Variants in CCSER1 observed in about 807,000 individuals in gnomAD.
CCSER1 encodes coiled-coil serine rich protein 1.
A neutral mutation model predicts 82.0 loss-of-function variants in CCSER1; 41 were observed. That is an observed-to-expected ratio of 0.50 (90% CI 0.39 to 0.65). CCSER1 has a LOEUF of 0.65. CCSER1 is among the 30% of genes least tolerant of loss of function. The pLI, the probability that CCSER1 is intolerant of heterozygous loss-of-function variation, is 0.00. For synonymous variants in CCSER1, 414 were observed against 383.9 expected (o/e 1.08, Z -0.92); for missense variants, 1,119 against 1,064.2 (o/e 1.05, Z -0.72).
rs1392562668 is a variant in CCSER1, at chr4:90,476,275, A to G, written c.1724+7921A>G. Among the ~76,000 whole-genome samples the G allele has an allele frequency of 3.9e-5, 6 of 152,244 alleles. No homozygotes were observed. In the South Asian group the frequency reaches 8.3e-4, roughly 21 times the overall value. ...CTGAAAGCCAACAGCTCCCACCACTAGGAGACTATGCCTTCACCACTCACT... is the reference window on the plus strand; with the variant it reads ...CTGAAAGCCAACAGCTCCCACCACTGGGAGACTATGCCTTCACCACTCACT... On this transcript the variant is annotated intron_variant, in intron 5 of 10. Coordinates refer to ENST00000509176, the MANE Select transcript of CCSER1 (RefSeq NM_001145065.2).
chr4:90,800,623 G>A (rs1465211594), intron 7 of CCSER1, among the ~76,000 whole-genome samples: 3 of 152,046 alleles, frequency 2.0e-5, no homozygotes, highest in African/African-American at 7.2e-5. Context: ...GTAAGTTATC[G>A]CTTTATCACT....
intron 8 of CCSER1, among the ~76,000 whole-genome samples, chr4:90,835,295 C>T (rs1376413379): frequency 6.6e-6 from 1 of 152,162 alleles, no homozygotes; most frequent in Non-Finnish European, 1.5e-5. Flanking sequence ...GACGCCACTG[C>T]ACTCTAGCCC....
At chr4:91,114,218 T>C (rs1726353989) in intron 10 of CCSER1, among the ~76,000 whole-genome samples, 1 of 152,150 alleles carries the variant, frequency 6.6e-6, no homozygotes, top group African/African-American at 2.4e-5. Context: ...AGACACTACC[T>C]CCAAGCAGCT....
rs549411700 is a variant in CCSER1 at position 90,888,378 on chromosome 4, TA to T, written c.2095-34991del. 1.8e-3 allele frequency among the ~76,000 whole-genome samples: 272 copies of T among 152,260 alleles called. 1 individual carries two copies. The highest frequency in any genetic ancestry group is 3.0e-3 in the Non-Finnish European group (206 of 67,990). ...ATCGAGTACCCTTCCTTGATTTAAATATACTTTGAAAGGGCAAGAGTAGAAA... is the reference window on the plus strand; with the variant it reads ...ATCGAGTACCCTTCCTTGATTTAAATTACTTTGAAAGGGCAAGAGTAGAAA... On this transcript the variant is annotated intron_variant, in intron 8 of 10. Transcript: ENST00000509176.
At chr4:90,245,418 G>T (rs1400120799) in intron 1 of CCSER1, among the ~76,000 whole-genome samples, 1 of 151,062 alleles carries the variant, frequency 6.6e-6, no homozygotes. Context: ...CTTCTCTAAG[G>T]TCATGGTAGG....
At chr4:90,184,725 A>G (rs1734308093) in intron 1 of CCSER1, among the ~76,000 whole-genome samples, 1 of 151,898 alleles carries the variant, frequency 6.6e-6, no homozygotes, top group Non-Finnish European at 1.5e-5. Flanking sequence ...TAGTTTCTGG[A>G]CTCCTGGGGT....
chr4:91,186,299 TTCC>T (rs949271352), intron 10 of CCSER1, among the ~76,000 whole-genome samples: 41 of 152,238 alleles, frequency 2.7e-4, no homozygotes, highest in African/African-American at 8.2e-4. Flanking sequence ...TATACTCTCC[TTCC>T]TCCTCCTCAT....
At chr4:90,477,170 G>A (rs1015871224) in intron 5 of CCSER1, among the ~76,000 whole-genome samples, 3 of 152,090 alleles carry the variant, frequency 2.0e-5, no homozygotes, top group Non-Finnish European at 4.4e-5. Context: ...TTTAGTATAA[G>A]TCTTCTAGTA....
chr4:90,653,210 A>T (rs543872096), intron 6 of CCSER1, among the ~76,000 whole-genome samples: 2 of 152,162 alleles, frequency 1.3e-5, no homozygotes. Flanking sequence ...TTGAGAGATT[A>T]TATCCTCTTA....
chr4:91,085,538 G>A (rs935688150), intron 9 of CCSER1, among the ~76,000 whole-genome samples: 14 of 152,010 alleles, frequency 9.2e-5, no homozygotes, highest in African/African-American at 3.4e-4. Flanking sequence ...AGTACTGCAA[G>A]GGCTTCTGCT....
chr4:90,656,919 CTTTA>C (rs988687214), intron 6 of CCSER1, among the ~76,000 whole-genome samples: 9 of 151,880 alleles, frequency 5.9e-5, no homozygotes, highest in African/African-American at 1.7e-4. Flanking sequence ...CATTAAAATA[CTTTA>C]TTTATCTCTC....
chr4:90,468,466 A>C, intron 5 of CCSER1, 112 bp downstream of exon 5: 2 of 929,978 alleles, frequency 2.2e-6, no homozygotes. Context: ...GAAGAAATAA[A>C]TTTTATGGGT....
chr4:90,760,302 GAC>G (rs1466399972), intron 7 of CCSER1, among the ~76,000 whole-genome samples: 2 of 151,784 alleles, frequency 1.3e-5, no homozygotes, highest in Non-Finnish European at 2.9e-5. Context: ...TTGAATTAAT[GAC>G]ACTATTAATA....
chr4:91,086,989 A>G (rs763962816), intron 10 of CCSER1, among the ~76,000 whole-genome samples: 1 of 152,124 alleles, frequency 6.6e-6, no homozygotes, highest in Admixed American at 6.5e-5. Context: ...GATATTTTTC[A>G]TGTTGTAGGA....
chr4:90,956,389 A>C (rs556171935), intron 9 of CCSER1, among the ~76,000 whole-genome samples: 1 of 152,288 alleles, frequency 6.6e-6, no homozygotes, highest in South Asian at 2.1e-4. Context: ...TTTCCTAAGA[A>C]TAAAATTAAA....
At chr4:91,348,286 G>T (rs1748210042) in intron 10 of CCSER1, among the ~76,000 whole-genome samples, 1 of 152,026 alleles carries the variant, frequency 6.6e-6, no homozygotes, top group Admixed American at 6.5e-5. Flanking sequence ...TATAGTAATT[G>T]ATTTTTGAAT....
chr4:91,414,004 G>A (rs964449073), intron 10 of CCSER1, among the ~76,000 whole-genome samples: 1 of 152,104 alleles, frequency 6.6e-6, no homozygotes, highest in African/African-American at 2.4e-5. Flanking sequence ...TGCCAAGAGA[G>A]TTCATCACCA....
chr4:90,346,864 T>A (rs1335147924), intron 3 of CCSER1, among the ~76,000 whole-genome samples: 1 of 152,112 alleles, frequency 6.6e-6, no homozygotes, highest in Non-Finnish European at 1.5e-5. Flanking sequence ...ATAATGTAAA[T>A]GGTCACAGAA....
chr4:90,956,666 C>A (rs1733462294), intron 9 of CCSER1, among the ~76,000 whole-genome samples: 1 of 151,854 alleles, frequency 6.6e-6, no homozygotes, highest in Non-Finnish European at 1.5e-5. Flanking sequence ...AAGCAATTAA[C>A]AGACACTTTA....
Sources: gnomAD v4.1 joint callset for allele counts (sites outside exome capture counted in the v4.1 genomes callset) on GRCh38, gnomAD v4.1.1 for gene constraint, MANE v1.5 for transcripts, NCBI Gene and HGNC (gene_info 2026-07-23, HGNC 2026-07-21) for gene names.